NRXN1: variants seen among roughly 807,000 people sequenced by gnomAD.
The protein encoded by NRXN1 is neurexin 1.
Under a neutral mutation model 150.9 loss-of-function variants are expected in NRXN1, and 39 were observed. The observed-to-expected ratio is 0.26, with a 90% CI of 0.20 to 0.34. NRXN1 has a LOEUF of 0.34. NRXN1 is among the 10% of genes least tolerant of loss of function. The pLI is 1.00. For synonymous variants in NRXN1, 924 were observed against 757.0 expected (o/e 1.22, Z -3.62); for missense variants, 1,815 against 1,949.9 (o/e 0.93, Z 1.30).
intron 21 of NRXN1, among the ~76,000 whole-genome samples, chr2:50,017,660 CTTTT>C (rs143759409): frequency 0.18 from 25,578 of 138,454 alleles, 2,731 homozygotes; most frequent in African/African-American, 0.32. Flanking sequence ...AAAACACAGC[CTTTT>C]TTTTTTTTTT....
chr2:50,791,901 A>G (rs1307464313), intron 5 of NRXN1, among the ~76,000 whole-genome samples: 1 of 152,058 alleles, frequency 6.6e-6, no homozygotes, highest in Non-Finnish European at 1.5e-5. Context: ...TAAACCTCTA[A>G]AAGCATACAT....
At chr2:51,008,027 C>A (rs1005967177) in intron 2 of NRXN1, among the ~76,000 whole-genome samples, 16 of 151,804 alleles carry the variant, frequency 1.1e-4, no homozygotes, top group African/African-American at 3.6e-4. Flanking sequence ...AAACAATAAA[C>A]CTGTTTTGTA....
At chr2:50,239,662 GTATA>G (rs59505952) in intron 17 of NRXN1, among the ~76,000 whole-genome samples, 705 of 46,926 alleles carry the variant, frequency 0.015, 2 homozygotes, top group Admixed American at 0.022. Flanking sequence ...ACCTATTCCA[GTATA>G]TATATATATA....
At chr2:50,337,155 G>A (rs560791819) in intron 17 of NRXN1, among the ~76,000 whole-genome samples, 1 of 147,264 alleles carries the variant, frequency 6.8e-6, no homozygotes, top group Admixed American at 6.9e-5. Flanking sequence ...GCTTGATCTC[G>A]GCTCACTGCA....
intron 18 of NRXN1, among the ~76,000 whole-genome samples, chr2:50,144,084 C>A (rs1435207987): frequency 6.6e-6 from 1 of 151,830 alleles, no homozygotes; most frequent in African/African-American, 2.4e-5. Context: ...CATCCCCACT[C>A]CAATGCAATC....
intron 5 of NRXN1, among the ~76,000 whole-genome samples, chr2:50,843,791 T>C (rs546427567): frequency 2.6e-5 from 4 of 152,300 alleles, no homozygotes; most frequent in South Asian, 2.1e-4. Flanking sequence ...AAGACTGCAG[T>C]AGGAAGTATC....
chr2:50,978,117 C>G (rs915593277), intron 2 of NRXN1, among the ~76,000 whole-genome samples: 3 of 149,746 alleles, frequency 2.0e-5, no homozygotes, highest in African/African-American at 7.3e-5. Context: ...TTTAACTGTT[C>G]CAAAATATAT....
chr2:50,519,299 A>T (rs1341172702), intron 12 of NRXN1, among the ~76,000 whole-genome samples: 3 of 152,000 alleles, frequency 2.0e-5, no homozygotes, highest in Admixed American at 2.0e-4. Context: ...TTCTTTAATC[A>T]TCACTGGATT....
intron 18 of NRXN1, among the ~76,000 whole-genome samples, chr2:50,100,977 T>C (rs980881780): frequency 2.0e-5 from 3 of 152,116 alleles, no homozygotes; most frequent in East Asian, 1.9e-4. Context: ...GTTAGCCTAG[T>C]GGTCTGGCAT....
rs534841528 is a variant in NRXN1, at chr2:50,572,725, C to A, written c.1321-19700G>T. ...AACAAGTGATAAACCCTGACAACCT[C>A]TGAGAACGAAAAGGCCAGAGAATTA... On this transcript the variant is annotated intron_variant, in intron 8 of 22. Transcript: ENST00000401669. 2.0e-5 allele frequency among the ~76,000 whole-genome samples: 3 copies of A among 152,292 alleles called. No homozygotes were observed. In the East Asian group the frequency reaches 5.8e-4, roughly 29 times the overall value.
At chr2:50,778,782 G>A (rs751486888) in intron 5 of NRXN1, among the ~76,000 whole-genome samples, 14 of 152,066 alleles carry the variant, frequency 9.2e-5, no homozygotes, top group Non-Finnish European at 1.6e-4. Context: ...GCTGATGTTC[G>A]TTTGTTACAA....
At chr2:50,857,071 C>T (rs1188602854) in intron 5 of NRXN1, among the ~76,000 whole-genome samples, 6 of 152,004 alleles carry the variant, frequency 3.9e-5, no homozygotes, top group East Asian at 3.9e-4. Context: ...CTAACACTGA[C>T]GTTTTACAGA....
intron 2 of NRXN1, among the ~76,000 whole-genome samples, chr2:51,022,407 C>T (rs1394662352): frequency 6.6e-6 from 1 of 152,144 alleles, no homozygotes; most frequent in Non-Finnish European, 1.5e-5. Context: ...TTAACCTCTG[C>T]ACTACAACTG....
At chr2:50,199,537 T>TACACACACACACAC (rs67959182) in intron 18 of NRXN1, among the ~76,000 whole-genome samples, 6 of 149,328 alleles carry the variant, frequency 4.0e-5, no homozygotes, top group South Asian at 2.1e-4. Context: ...CTCTTTCTTA[T>TACACACACACACAC]ACACACACAC....
At chr2:50,046,358 G>C (rs1280763448) in intron 21 of NRXN1, among the ~76,000 whole-genome samples, 1 of 152,088 alleles carries the variant, frequency 6.6e-6, no homozygotes, top group Non-Finnish European at 1.5e-5. Flanking sequence ...AATTCAGCTT[G>C]GTACATGCCA....
At chr2:50,902,082 A>AT (rs939731792) in intron 5 of NRXN1, among the ~76,000 whole-genome samples, 10 of 152,014 alleles carry the variant, frequency 6.6e-5, no homozygotes, top group Non-Finnish European at 8.8e-5. Flanking sequence ...ATAATGTACT[A>AT]TTTTTTTCCT....
intron 17 of NRXN1, among the ~76,000 whole-genome samples, chr2:50,374,075 G>C (rs756124496): frequency 4.0e-5 from 4 of 100,170 alleles, no homozygotes; most frequent in Non-Finnish European, 7.2e-5. Context: ...AGGTGGGGAG[G>C]ATCACTTCAT....
At chr2:50,625,099 G>A (rs1680768108) in intron 5 of NRXN1, 1 of 151,940 alleles carries the variant, frequency 6.6e-6, no homozygotes, top group South Asian at 2.1e-4. Flanking sequence ...ATGCCCCCGA[G>A]AGGGTTGATA....
intron 17 of NRXN1, among the ~76,000 whole-genome samples, chr2:50,444,233 A>G (rs2086205388): frequency 6.6e-6 from 1 of 152,220 alleles, no homozygotes; most frequent in Non-Finnish European, 1.5e-5. Context: ...TGGGGTATCC[A>G]TTCTCTGTCA....
Sources: allele counts gnomAD v4.1 joint callset (sites outside exome capture counted in the v4.1 genomes callset), GRCh38; gene constraint gnomAD v4.1.1; transcripts MANE v1.5; gene names NCBI Gene and HGNC (gene_info 2026-07-23, HGNC 2026-07-21).